The following PCCA variants were observed in gnomAD, a reference collection of about 807,000 sequenced individuals.
PCCA encodes the protein propionyl-CoA carboxylase alpha chain, mitochondrial.
In PCCA, 74 loss-of-function variants were observed where a neutral mutation model predicts 101.3. That is an observed-to-expected ratio of 0.73 (90% CI 0.61 to 0.89). The LOEUF (loss-of-function observed/expected upper bound fraction) is 0.89. PCCA is among the 40% of genes least tolerant of loss of function. The pLI is 0.00. For missense variants in PCCA, 891 were observed against 907.0 expected, an observed-to-expected ratio of 0.98 and a Z score of 0.23; for synonymous variants, 294 against 313.6, an observed-to-expected ratio of 0.94 and a Z score of 0.66.
intron 8 of PCCA, among the ~76,000 whole-genome samples, chr13:100,245,518 T>C (rs2061384580): frequency 6.6e-6 from 1 of 152,184 alleles, no homozygotes. Flanking sequence ...GGTTGTAGGG[T>C]GAGAAGGAGG....
chr13:100,341,135 C>T (rs562172151), intron 18 of PCCA, among the ~76,000 whole-genome samples: 5 of 152,220 alleles, frequency 3.3e-5, no homozygotes, highest in Admixed American at 3.3e-4. Flanking sequence ...GAATAGGAAG[C>T]TTACAGTGTA....
intron 12 of PCCA, among the ~76,000 whole-genome samples, chr13:100,280,965 G>A (rs571000714): frequency 6.6e-6 from 1 of 152,000 alleles, no homozygotes; most frequent in African/African-American, 2.4e-5. Flanking sequence ...TGGACAGAGC[G>A]AGACCCTGTC....
At chr13:100,415,614 T>C (rs1188522915) in intron 19 of PCCA, among the ~76,000 whole-genome samples, 2 of 152,188 alleles carry the variant, frequency 1.3e-5, no homozygotes, top group African/African-American at 4.8e-5. Context: ...ATCAAAGTCT[T>C]TTTAAAAATA....
intron 18 of PCCA, among the ~76,000 whole-genome samples, chr13:100,360,542 C>T (rs1447494282): frequency 6.6e-6 from 1 of 152,142 alleles, no homozygotes; most frequent in Non-Finnish European, 1.5e-5. Context: ...ACACAAAGCA[C>T]TAAACATAAA....
intron 21 of PCCA, among the ~76,000 whole-genome samples, chr13:100,465,158 T>G (rs755819807): frequency 2.0e-5 from 3 of 152,222 alleles, no homozygotes; most frequent in African/African-American, 4.8e-5. Flanking sequence ...TTCCCAGATC[T>G]GTTCCTAGAA....
At chr13:100,166,805 A>G (rs1032830865) in intron 6 of PCCA, among the ~76,000 whole-genome samples, 1 of 151,958 alleles carries the variant, frequency 6.6e-6, no homozygotes, top group African/African-American at 2.4e-5. Context: ...TGGCTAGATC[A>G]TTTGTATGTT....
At chr13:100,333,635 A>G (rs974636374) in intron 17 of PCCA, among the ~76,000 whole-genome samples, 1 of 152,234 alleles carries the variant, frequency 6.6e-6, no homozygotes, top group African/African-American at 2.4e-5. Context: ...GAGGAAGAAG[A>G]TATTTTAAGA....
intron 21 of PCCA, among the ~76,000 whole-genome samples, chr13:100,450,238 C>T (rs530053885): frequency 1.4e-5 from 2 of 143,386 alleles, no homozygotes; most frequent in African/African-American, 5.8e-5. Flanking sequence ...CAAAAATTAG[C>T]CGGGTTGTGG....
intron 20 of PCCA, among the ~76,000 whole-genome samples, chr13:100,428,212 G>A (rs2079290314): frequency 1.3e-5 from 2 of 152,136 alleles, no homozygotes; most frequent in South Asian, 2.1e-4. Flanking sequence ...GACTACAGGT[G>A]TGCCTGCCAC....
At position 100,507,513 on chromosome 13, in the gene PCCA, G is replaced by A. The variant is rs376397353; in HGVS notation, c.1900-7914G>A. On this transcript the variant is annotated intron_variant, in intron 21 of 23. Coordinates refer to ENST00000376285, the MANE Select transcript of PCCA (RefSeq NM_000282.4). ...CTAGGAATGGGGCAGCTTCCTAGAC[G>A]CTAGCTCTTTTCCCGCCACATCAGT... is the stretch of plus-strand genomic sequence containing the variant. Among the ~76,000 whole-genome samples, 589 of 152,206 alleles carry A rather than the reference G, an allele frequency of 3.9e-3. 3 individuals are homozygous for A. Among genetic ancestry groups the A allele is most frequent in the Middle Eastern group, 0.024 (7 of 294 alleles).
intron 12 of PCCA, among the ~76,000 whole-genome samples, chr13:100,287,301 T>G (rs1436955968): frequency 6.6e-6 from 1 of 152,102 alleles, no homozygotes; most frequent in Admixed American, 6.5e-5. Flanking sequence ...ATTTTTCATA[T>G]GAAAAATTAG....
At position 100,116,610 on chromosome 13, in the gene PCCA, C is replaced by G. The variant is rs181790402; in HGVS notation, c.300+4549C>G. On this transcript the variant is annotated intron_variant, in intron 4 of 23. Transcript: ENST00000376285. ...ATTTTAGGATGAGCTGGCCAATTAC[C>G]CCCCTTCCCCAATTTTTAGATACCA... is the stretch of plus-strand genomic sequence containing the variant. Among the ~76,000 whole-genome samples the G allele has an allele frequency of 4.6e-5, 7 of 152,088 alleles. No individual in the cohort carries two copies. In the East Asian group the frequency reaches 1.2e-3, roughly 25 times the overall value.
At chr13:100,142,024 T>A (rs1350913207) in intron 4 of PCCA, among the ~76,000 whole-genome samples, 2 of 152,172 alleles carry the variant, frequency 1.3e-5, no homozygotes, top group East Asian at 3.8e-4. Context: ...GTGTTGGCAA[T>A]AATACTTGGA....
intron 19 of PCCA, among the ~76,000 whole-genome samples, chr13:100,410,783 C>A (rs891840870): frequency 6.6e-6 from 1 of 152,046 alleles, no homozygotes; most frequent in Non-Finnish European, 1.5e-5. Flanking sequence ...AAGAGAAACT[C>A]GTTTCTTATT....
At chr13:100,270,661 T>C (rs1344321820) in intron 11 of PCCA, among the ~76,000 whole-genome samples, 1 of 152,216 alleles carries the variant, frequency 6.6e-6, no homozygotes, top group Non-Finnish European at 1.5e-5. Flanking sequence ...ACCTGATATG[T>C]ATTTGTACAC....
At chr13:100,330,358 C>T (rs1405259917) in intron 16 of PCCA, among the ~76,000 whole-genome samples, 2 of 152,104 alleles carry the variant, frequency 1.3e-5, no homozygotes, top group African/African-American at 2.4e-5. Context: ...CTTGGCAATA[C>T]CAAGCTTCTT....
At chr13:100,422,403 G>A (rs2078892235) in intron 19 of PCCA, among the ~76,000 whole-genome samples, 2 of 152,036 alleles carry the variant, frequency 1.3e-5, no homozygotes. Context: ...CTCCCAAAGT[G>A]CTGGGCTTAC....
chr13:100,488,631 TTGTTTTTTTTTTG>T (rs1158058055), intron 21 of PCCA, among the ~76,000 whole-genome samples: 1 of 66,140 alleles, frequency 1.5e-5, no homozygotes, highest in East Asian at 1.1e-3. Context: ...TTTTTTTGTT[TTGTTTTTTTTTTG>T]TTTTTTTTTT....
chr13:100,368,601 G>A (rs1323755100), intron 19 of PCCA, 27 bp downstream of exon 19: 1 of 1,372,190 alleles, frequency 7.3e-7, no homozygotes, highest in East Asian at 2.3e-5. Flanking sequence ...TATTTTCTTG[G>A]TAATCTTGAT....
Sources: gnomAD v4.1 joint callset for allele counts (sites outside exome capture counted in the v4.1 genomes callset) on GRCh38, gnomAD v4.1.1 for gene constraint, MANE v1.5 for transcripts, NCBI Gene and HGNC (gene_info 2026-07-23, HGNC 2026-07-21) for gene names.